The following ERI3 variants were observed in gnomAD, a reference collection of about 807,000 sequenced individuals.
The protein encoded by ERI3 is ERI1 exoribonuclease 3.
A neutral mutation model predicts 44.4 loss-of-function variants in ERI3; 18 were observed. The observed-to-expected ratio is 0.41, with a 90% CI of 0.28 to 0.60. The LOEUF (loss-of-function observed/expected upper bound fraction) is 0.60. ERI3 is among the 20% of genes least tolerant of loss of function. ERI3 has a pLI of 0.36. For missense variants in ERI3, 294 were observed against 435.5 expected (o/e 0.68, Z 2.89); for synonymous variants, 183 against 164.8 (o/e 1.11, Z -0.84).
chr1:44,306,845 G>A (rs1394011706), intron 6 of ERI3, among the ~76,000 whole-genome samples: 1 of 152,216 alleles, frequency 6.6e-6, no homozygotes, highest in Non-Finnish European at 1.5e-5. Flanking sequence ...TTCCTCCTGG[G>A]CCATATGAAC....
chr1:44,281,894 GT>G (rs1325166382), intron 7 of ERI3, among the ~76,000 whole-genome samples: 15 of 148,588 alleles, frequency 1.0e-4, no homozygotes, highest in Admixed American at 3.4e-4. Context: ...GTGTGTGTGT[GT>G]GTGTGTGTGT....
At chr1:44,278,975 A>T (rs1379327719) in intron 7 of ERI3, among the ~76,000 whole-genome samples, 2 of 152,244 alleles carry the variant, frequency 1.3e-5, no homozygotes, top group Non-Finnish European at 2.9e-5. Context: ...TACTAGCTAC[A>T]TTTCAAGTGA....
chr1:44,266,615 T>C (rs1644995439), intron 7 of ERI3, among the ~76,000 whole-genome samples: 1 of 152,242 alleles, frequency 6.6e-6, no homozygotes, highest in Non-Finnish European at 1.5e-5. Flanking sequence ...TTTTGTCTGT[T>C]TTGCTCACTA....
At chr1:44,242,080 C>A in intron 8 of ERI3, 1 of 985,534 alleles carries the variant, frequency 1.0e-6, no homozygotes, top group African/African-American at 1.7e-5. Context: ...CAGTGCAGAC[C>A]CTGTCAATGA....
chr1:44,272,532 C>T (rs1051076367), intron 7 of ERI3, among the ~76,000 whole-genome samples: 2 of 152,102 alleles, frequency 1.3e-5, no homozygotes, highest in African/African-American at 4.8e-5. Flanking sequence ...CAGGTTTTTG[C>T]AGATAACATT....
chr1:44,310,484 T>C (rs990556998), intron 5 of ERI3, among the ~76,000 whole-genome samples: 3 of 152,096 alleles, frequency 2.0e-5, no homozygotes, highest in Non-Finnish European at 1.5e-5. Flanking sequence ...ACTGAAAACA[T>C]GAGTAGGTAA....
At chr1:44,254,229 TCTAC>T (rs1644738534) in intron 7 of ERI3, among the ~76,000 whole-genome samples, 1 of 152,274 alleles carries the variant, frequency 6.6e-6, no homozygotes, top group South Asian at 2.1e-4. Flanking sequence ...GAGCTTCTCC[TCTAC>T]CTATTTCAGT....
intron 8 of ERI3, among the ~76,000 whole-genome samples, chr1:44,246,994 G>T (rs1390386290): frequency 6.6e-6 from 1 of 152,134 alleles, no homozygotes; most frequent in Non-Finnish European, 1.5e-5. Flanking sequence ...CAAGGCCTAT[G>T]CTTGGTCAGG....
chr1:44,327,995 A>G (rs11810872), intron 3 of ERI3, among the ~76,000 whole-genome samples: 39,805 of 152,140 alleles, frequency 0.26, 5,245 homozygotes, highest in Middle Eastern at 0.28. Context: ...GAGCCAGGGA[A>G]GCTGGCTGGG....
At chr1:44,267,579 C>T (rs114343558) in intron 7 of ERI3, among the ~76,000 whole-genome samples, 1,805 of 152,364 alleles carry the variant, frequency 0.012, 39 homozygotes, top group African/African-American at 0.041. Context: ...GGCAGGCATG[C>T]AGCTTGCATA....
chr1:44,247,548 G>T (rs1190159750), intron 8 of ERI3, among the ~76,000 whole-genome samples: 1 of 152,186 alleles, frequency 6.6e-6, no homozygotes, highest in East Asian at 1.9e-4. Flanking sequence ...TGATCGTCCA[G>T]TTTAGTGGCC....
At chr1:44,306,498 C>T (rs1433903381) in intron 6 of ERI3, among the ~76,000 whole-genome samples, 1 of 152,118 alleles carries the variant, frequency 6.6e-6, no homozygotes, top group Non-Finnish European at 1.5e-5. Context: ...TTGATGATAT[C>T]ATTTTTCAGG....
intron 8 of ERI3, among the ~76,000 whole-genome samples, chr1:44,226,120 G>A (rs1344603208): frequency 6.6e-6 from 1 of 152,106 alleles, no homozygotes; most frequent in Admixed American, 6.5e-5. Flanking sequence ...TGTTAGGGCT[G>A]GGGTGAGGAA....
chr1:44,314,342 T>C (rs1458536262), intron 4 of ERI3, among the ~76,000 whole-genome samples: 1 of 152,208 alleles, frequency 6.6e-6, no homozygotes, highest in Non-Finnish European at 1.5e-5. Context: ...TAGGTGGGTT[T>C]CTGTAGTTCA....
intron 7 of ERI3, among the ~76,000 whole-genome samples, chr1:44,255,585 C>T (rs889197249): frequency 6.6e-6 from 1 of 152,122 alleles, no homozygotes; most frequent in African/African-American, 2.4e-5. Context: ...GTATTTCTTA[C>T]CCCTACTTGA....
intron 4 of ERI3, 134 bp from the exon 5 acceptor site, chr1:44,313,362 G>A: frequency 5.4e-6 from 4 of 745,808 alleles, no homozygotes; most frequent in South Asian, 3.5e-5. Flanking sequence ...TAGGTTCAGA[G>A]CCCACCTAGA....
chr1:44,239,372 T>C (rs988582825), intron 8 of ERI3, among the ~76,000 whole-genome samples: 5 of 152,224 alleles, frequency 3.3e-5, no homozygotes, highest in African/African-American at 1.2e-4. Context: ...ATGTGACTGC[T>C]GCAGATCACT....
intron 5 of ERI3, among the ~76,000 whole-genome samples, chr1:44,310,963 G>A (rs111645992): frequency 2.4e-4 from 30 of 123,262 alleles, no homozygotes; most frequent in African/African-American, 3.2e-4. Context: ...GCGCGCGCGC[G>A]CACACACACA....
chr1:44,304,041 A>T (rs1391645034), intron 6 of ERI3, among the ~76,000 whole-genome samples: 1 of 152,184 alleles, frequency 6.6e-6, no homozygotes, highest in Non-Finnish European at 1.5e-5. Context: ...TTTCCGACAG[A>T]ACAACTCAGT....
Sources: gnomAD v4.1 joint callset for allele counts (sites outside exome capture counted in the v4.1 genomes callset) on GRCh38, gnomAD v4.1.1 for gene constraint, MANE v1.5 for transcripts, NCBI Gene and HGNC (gene_info 2026-07-23, HGNC 2026-07-21) for gene names.